Variants in TMEM63B observed in about 807,000 individuals in gnomAD.
TMEM63B encodes mechanosensitive cation channel TMEM63B.
A neutral mutation model predicts 102.6 loss-of-function variants in TMEM63B; 23 were observed. That is an observed-to-expected ratio of 0.22 (90% CI 0.16 to 0.32). TMEM63B has a LOEUF of 0.32. TMEM63B is among the 10% of genes least tolerant of loss of function. TMEM63B has a pLI of 1.00. For synonymous variants in TMEM63B, 444 were observed against 437.0 expected, an observed-to-expected ratio of 1.02 and a Z score of -0.20; for missense variants, 628 against 1,095.9, an observed-to-expected ratio of 0.57 and a Z score of 6.03.
chr6:44,138,387 G>C lies in TMEM63B; in HGVS notation c.370-93G>C. ...GTGAGGGGTGTGGAAGCTATGCCTG[G>C]AGGTAATTATGAGAATGGGTGGGAC... On this transcript the variant is annotated intron_variant, in intron 5 of 23. Coordinates refer to ENST00000323267, the MANE Select transcript of TMEM63B (RefSeq NM_018426.3). 2.0e-6 allele frequency: 3 copies of C among 1,509,716 alleles called. No homozygotes were observed. In the South Asian group the frequency reaches 3.4e-5, roughly 17 times the overall value. The allele number at this position is 1,509,716 out of a possible 1,614,324, so 93.5% of individuals were successfully genotyped here.
chr6:44,140,439 C>A, intron 9 of TMEM63B, 79 bp downstream of exon 9: 1 of 1,185,492 alleles, frequency 8.4e-7, no homozygotes, highest in Non-Finnish European at 1.2e-6. Context: ...TTTGTCTCAG[C>A]CCCAAGAGGT....
In TMEM63B at chr6:44,146,768, A is replaced by C. The variant is rs547281545; in HGVS notation, c.783-79A>C. On this transcript the variant is annotated intron_variant, in intron 10 of 23. Transcript: ENST00000323267. Reference sequence around the variant, plus strand: ...GTCCAGCCAGAGATGTGTTTCTTGAAGGTGATGGGGTCATGGATGAAAGTC... The same window carrying C: ...GTCCAGCCAGAGATGTGTTTCTTGACGGTGATGGGGTCATGGATGAAAGTC... The C allele has an allele frequency of 1.4e-5, 19 of 1,395,572 alleles. No individual in the cohort carries two copies. The East Asian group carries it at 3.4e-4, about 25-fold the overall frequency. The allele number at this position is 1,395,572 out of a possible 1,614,324, so 86.4% of individuals were successfully genotyped here.
chr6:44,151,540 G>A (rs1317747514), intron 18 of TMEM63B, among the ~76,000 whole-genome samples: 2 of 152,144 alleles, frequency 1.3e-5, no homozygotes, highest in East Asian at 3.9e-4. Context: ...TGGGTTCTTT[G>A]AGGGTCTCAT....
Position 44,148,772 on chromosome 6 carries a change from C to G in TMEM63B, c.1260-20C>G. 6.2e-7 allele frequency: 1 copy of G among 1,614,030 alleles called. No individual in the cohort carries two copies. The highest frequency in any genetic ancestry group is 1.1e-5 in the South Asian group (1 of 91,054). ...ATCCTGCCCTTGGTTCCTGGACTGA[C>G]CGGTTCCCCACCTTGCCAGGGAGCA... is the stretch of plus-strand genomic sequence containing the variant. On this transcript the variant is annotated intron_variant, in intron 14 of 23. Transcript: ENST00000323267. The surrounding 1 kb of genome is among the most constrained non-coding windows in gnomAD (Gnocchi z 5.1).
At chr6:44,138,768 C>G in intron 6 of TMEM63B, 1 of 439,786 alleles carries the variant, frequency 2.3e-6, no homozygotes, top group Admixed American at 3.5e-5. Context: ...CCTGCCCCAC[C>G]TTGAGGGAGG....
intron 20 of TMEM63B, 138 bp from the exon 21 acceptor site, chr6:44,153,538 C>T: frequency 1.1e-6 from 1 of 881,956 alleles, no homozygotes. Context: ...GGGCACGGGG[C>T]ACTATCCCGT....
intron 11 of TMEM63B, 42 bp downstream of exon 11, chr6:44,146,969 C>T: frequency 3.7e-6 from 6 of 1,603,672 alleles, no homozygotes; most frequent in Non-Finnish European, 5.1e-6. Context: ...CAAGGGCCCC[C>T]TGCCATTGTG....
intron 8 of TMEM63B, 76 bp from the exon 9 acceptor site, chr6:44,140,176 A>G (rs1487442200): frequency 8.3e-7 from 1 of 1,198,390 alleles, no homozygotes; most frequent in Non-Finnish European, 1.2e-6. Flanking sequence ...AGGGTTTAAC[A>G]CTGACAGGCT....
chr6:44,135,798 G>A (rs1032137992), intron 4 of TMEM63B, among the ~76,000 whole-genome samples: 1 of 152,188 alleles, frequency 6.6e-6, no homozygotes, highest in African/African-American at 2.4e-5. Context: ...TGCCCAAGGA[G>A]CCCCCCAGTC....
chr6:44,153,880 G>A, intron 21 of TMEM63B, 37 bp downstream of exon 21: 2 of 1,599,904 alleles, frequency 1.3e-6, no homozygotes, highest in South Asian at 1.1e-5. Context: ...GGGGTGGCGA[G>A]CAGAGTGGAT....
intron 5 of TMEM63B, 137 bp from the exon 6 acceptor site, chr6:44,138,343 G>A: frequency 1.8e-6 from 2 of 1,083,238 alleles, no homozygotes; most frequent in Non-Finnish European, 2.8e-6. Flanking sequence ...AGTTCTGAGG[G>A]TATAAGGATT....
At chr6:44,151,751 G>A in intron 18 of TMEM63B, 95 bp from the exon 19 acceptor site, 1 of 1,387,146 alleles carries the variant, frequency 7.2e-7, no homozygotes, top group Non-Finnish European at 9.8e-7. Flanking sequence ...GAAGCATGTT[G>A]GTGGTGGAGG....
At chr6:44,151,424 A>T (rs1463843835) in intron 18 of TMEM63B, among the ~76,000 whole-genome samples, 1 of 151,876 alleles carries the variant, frequency 6.6e-6, no homozygotes, top group Non-Finnish European at 1.5e-5. Context: ...AAGGGTCTCA[A>T]AGCTTGTTTG....
intron 15 of TMEM63B, 47 bp from the exon 16 acceptor site, chr6:44,149,803 AGCCACCTGG>A (rs1458892585): frequency 2.7e-5 from 39 of 1,452,376 alleles, no homozygotes; most frequent in Non-Finnish European, 3.5e-5. Flanking sequence ...ACATAAGCAA[AGCCACCTGG>A]GCCCCCTAGA....
At position 44,150,730 on chromosome 6, in the gene TMEM63B, CT is replaced by C; in HGVS notation, c.1673+102del. 8.1e-7 allele frequency: 1 copy of C among 1,232,232 alleles called. No homozygotes were observed. Among genetic ancestry groups the C allele is most frequent in the Non-Finnish European group, 1.2e-6 (1 of 850,160 alleles). The allele number at this position is 1,232,232 out of a possible 1,614,324, so 76.3% of individuals were successfully genotyped here. On this transcript the variant is annotated intron_variant, in intron 18 of 23. Transcript: ENST00000323267. The surrounding 1 kb of genome is among the most constrained non-coding windows in gnomAD (Gnocchi z 4.7). ...TGGGAGGGTGCAACAAAGCTTCCAA[CT>C]CCTGGAGGGGGCAGAAGAGAGAGGA...
chr6:44,151,297 C>A (rs968819788), intron 18 of TMEM63B, among the ~76,000 whole-genome samples: 9 of 152,134 alleles, frequency 5.9e-5, no homozygotes, highest in African/African-American at 2.2e-4. Flanking sequence ...TGCACCATGG[C>A]TGTGGGCACA....
In TMEM63B at chr6:44,142,328, G is replaced by A. The variant is rs1474677517; in HGVS notation, c.782+1230G>A. Among the ~76,000 whole-genome samples the A allele has an allele frequency of 2.5e-4, 38 of 151,068 alleles. 1 individual carries two copies. The highest frequency in any genetic ancestry group is 2.5e-3 in the Admixed American group (38 of 15,128). On this transcript the variant is annotated intron_variant, in intron 10 of 23. Coordinates refer to ENST00000323267, the MANE Select transcript of TMEM63B (RefSeq NM_018426.3). ...AGTTTGAGACCAGCCTGGCCAATAT[G>A]GTGAAACCCCGTCTCTACTGGTGAA...
At chr6:44,140,924 C>A in intron 9 of TMEM63B, 104 bp from the exon 10 acceptor site, 1 of 970,996 alleles carries the variant, frequency 1.0e-6, no homozygotes, top group Non-Finnish European at 1.6e-6. Context: ...ACTTCTCTAC[C>A]CACTCAAAAC....
At chr6:44,131,941 T>G (rs1762036307) in intron 1 of TMEM63B, among the ~76,000 whole-genome samples, 1 of 152,186 alleles carries the variant, frequency 6.6e-6, no homozygotes. Flanking sequence ...CCACCTCCCA[T>G]CCCCAAGGTA....
Sources: allele counts gnomAD v4.1 joint callset (sites outside exome capture counted in the v4.1 genomes callset), GRCh38; gene constraint gnomAD v4.1.1; non-coding constraint Gnocchi (gnomAD v3.1); transcripts MANE v1.5; gene names NCBI Gene and HGNC (gene_info 2026-07-23, HGNC 2026-07-21).